The following WDR20 variants were observed in gnomAD, a reference collection of about 807,000 sequenced individuals.
WDR20 encodes the protein WD repeat-containing protein 20.
Under a neutral mutation model 38.7 loss-of-function variants are expected in WDR20, and 3 were observed. That is an observed-to-expected ratio of 0.08 (90% CI 0.04 to 0.20). The LOEUF (loss-of-function observed/expected upper bound fraction) is 0.20, where lower values mean the gene tolerates loss of function less well. WDR20 is among the 10% of genes least tolerant of loss of function. The pLI is 1.00. For missense variants in WDR20, 559 were observed against 727.7 expected (o/e 0.77, Z 2.67); for synonymous variants, 298 against 285.6 (o/e 1.04, Z -0.44).
intron 1 of WDR20, among the ~76,000 whole-genome samples, chr14:102,163,215 G>C (rs986337179): frequency 6.6e-6 from 1 of 152,100 alleles, no homozygotes; most frequent in African/African-American, 2.4e-5. Flanking sequence ...CCAATTTCCT[G>C]TCTCTGTGTT....
chr14:102,197,805 T>G (rs551124694), intron 2 of WDR20: 5 of 702,758 alleles, frequency 7.1e-6, no homozygotes, highest in Admixed American at 6.0e-5. Context: ...AAAGACAGAA[T>G]GAAGGTAGCA....
intron 1 of WDR20, among the ~76,000 whole-genome samples, chr14:102,180,111 C>T (rs1022190726): frequency 1.3e-5 from 2 of 152,184 alleles, no homozygotes; most frequent in Non-Finnish European, 2.9e-5. Flanking sequence ...TGAGACTGCA[C>T]TCCAGCCTGG....
chr14:102,162,015 T>A (rs918588944), intron 1 of WDR20, among the ~76,000 whole-genome samples: 1 of 152,178 alleles, frequency 6.6e-6, no homozygotes, highest in East Asian at 1.9e-4. Context: ...AGCAAAGAGA[T>A]TGGATTACCC....
chr14:102,169,479 C>T (rs1170283715), intron 1 of WDR20, among the ~76,000 whole-genome samples: 1 of 152,140 alleles, frequency 6.6e-6, no homozygotes, highest in East Asian at 1.9e-4. Context: ...AAAATGGTGC[C>T]TGAAGCATAT....
downstream of WDR20, chr14:102,212,542 A>AGG: frequency 6.5e-7 from 1 of 1,535,994 alleles, no homozygotes; most frequent in Non-Finnish European, 8.7e-7. Context: ...TTCTGCAGGC[A>AGG]GGAGGACAGG....
chr14:102,164,812 T>C (rs1359464627), intron 1 of WDR20, among the ~76,000 whole-genome samples: 13 of 152,232 alleles, frequency 8.5e-5, no homozygotes. Flanking sequence ...CTCTTCCCTT[T>C]TCTTTTCCAT....
At chr14:102,182,383 T>C (rs906496797) in intron 1 of WDR20, among the ~76,000 whole-genome samples, 3 of 152,198 alleles carry the variant, frequency 2.0e-5, no homozygotes, top group African/African-American at 7.2e-5. Flanking sequence ...CTTTAAATAA[T>C]TTTCCTGGCC....
At chr14:102,154,001 T>A (rs1456947345) in intron 1 of WDR20, among the ~76,000 whole-genome samples, 2 of 152,158 alleles carry the variant, frequency 1.3e-5, no homozygotes, top group Non-Finnish European at 2.9e-5. Flanking sequence ...TGTCTCACTA[T>A]GTTAAAAATT....
intron 1 of WDR20, among the ~76,000 whole-genome samples, chr14:102,163,591 G>A (rs1361729509): frequency 8.5e-6 from 1 of 117,842 alleles, no homozygotes; most frequent in African/African-American, 3.2e-5. Flanking sequence ...TTGCGCCGCT[G>A]CACTCCAGCC....
At position 102,222,822 on chromosome 14, in the gene WDR20, G is replaced by A. The variant is rs764665709; in HGVS notation, c.1693-8G>A. 1 of 1,614,198 alleles carries A rather than the reference G, an allele frequency of 6.2e-7. No homozygotes were observed. Among genetic ancestry groups the A allele is most frequent in the Admixed American group, 1.7e-5 (1 of 60,034 alleles). ...TTGCTGGATTAATGTAGACTGCTTT[G>A]TTTGCAGGGCTCATTGTCATCCCCA... On this transcript the variant is annotated splice_region_variant and splice_polypyrimidine_tract_variant and intron_variant, in intron 3 of 3. Transcript: ENST00000335263. The surrounding 1 kb of genome is among the most constrained non-coding windows in gnomAD (Gnocchi z 4.4).
At chr14:102,189,083 A>G (rs2065656386) in intron 1 of WDR20, among the ~76,000 whole-genome samples, 1 of 150,838 alleles carries the variant, frequency 6.6e-6, no homozygotes, top group East Asian at 2.0e-4. Context: ...GGTGGCACGT[A>G]CCTGTAATCC....
downstream of WDR20, among the ~76,000 whole-genome samples, chr14:102,216,904 GC>G (rs201733464): frequency 0.011 from 1,656 of 152,294 alleles, 31 homozygotes; most frequent in African/African-American, 0.037. Context: ...CTGCACTCCA[GC>G]CTGGGCGACA....
At chr14:102,185,590 G>A (rs2064464181) in intron 1 of WDR20, among the ~76,000 whole-genome samples, 1 of 152,128 alleles carries the variant, frequency 6.6e-6, no homozygotes, top group South Asian at 2.1e-4. Flanking sequence ...AATGGGAGTG[G>A]CAGTTGTACT....
chr14:102,172,735 G>A (rs1250929542), intron 1 of WDR20, among the ~76,000 whole-genome samples: 14 of 148,796 alleles, frequency 9.4e-5, no homozygotes, highest in East Asian at 3.9e-4. Context: ...CCTCCCGGAC[G>A]GGGCGGCTGC....
Position 102,209,447 on chromosome 14 carries a change from C to G in WDR20, c.1277C>G (p.Pro426Arg). The G allele has an allele frequency of 1.2e-6, 2 of 1,614,166 alleles. No homozygotes were observed. Among genetic ancestry groups the G allele is most frequent in the Non-Finnish European group, 1.7e-6 (2 of 1,180,040 alleles). Residue 426 changes from proline (P) to arginine (R), a missense_variant, in exon 3 of 3, where the codon CCG (proline) becomes CGG (arginine). Pro to Arg is a moderately radical substitution (Grantham distance 103). Coordinates refer to ENST00000342702, the MANE Select transcript of WDR20 (RefSeq NM_144574.4). The surrounding 1 kb of genome is among the most constrained non-coding windows in gnomAD (Gnocchi z 6.0). The part of the protein sequence containing the change: ...NSVTTPGNSV[P>R]PPLPRSNSLP... ...GTTACAACACCCGGGAACTCTGTGC[C>G]GCCTCCTCTGCCACGGTCCAACAGC... is the stretch of plus-strand genomic sequence containing the variant.
intron 1 of WDR20, among the ~76,000 whole-genome samples, chr14:102,192,337 G>A (rs1352502482): frequency 8.6e-5 from 13 of 151,848 alleles, no homozygotes; most frequent in Admixed American, 6.6e-4. Context: ...CCACCACCAC[G>A]CCCGGCTAAT....
chr14:102,151,630 C>T (rs1429406233), intron 1 of WDR20, among the ~76,000 whole-genome samples: 1 of 152,026 alleles, frequency 6.6e-6, no homozygotes, highest in Non-Finnish European at 1.5e-5. Flanking sequence ...TTCAAACGAT[C>T]TTCCTTCCTT....
chr14:102,212,586 T>C, downstream of WDR20: 1 of 1,535,702 alleles, frequency 6.5e-7, no homozygotes, highest in Non-Finnish European at 8.7e-7. Context: ...GAACTAAAAG[T>C]GCCCAACAGC....
intron 1 of WDR20, among the ~76,000 whole-genome samples, chr14:102,165,968 C>T (rs967519896): frequency 4.0e-5 from 6 of 151,506 alleles, no homozygotes; most frequent in Non-Finnish European, 8.8e-5. Context: ...TTTATTCTCT[C>T]CTTAATCTTT....
Sources: gnomAD v4.1 joint callset for allele counts (sites outside exome capture counted in the v4.1 genomes callset) on GRCh38, gnomAD v4.1.1 for gene constraint, Gnocchi (gnomAD v3.1) non-coding constraint, MANE v1.5 for transcripts, NCBI Gene and HGNC (gene_info 2026-07-23, HGNC 2026-07-21) for gene names.